Variants in ZNF536 observed in about 807,000 individuals in gnomAD.
The protein encoded by ZNF536 is zinc finger protein 536.
A neutral mutation model predicts 84.5 loss-of-function variants in ZNF536; 13 were observed. That is an observed-to-expected ratio of 0.15 (90% CI 0.10 to 0.24). The LOEUF is 0.24. Ranked by LOEUF, ZNF536 falls within the 10% of genes least tolerant of loss-of-function variation. ZNF536 has a pLI of 1.00. For synonymous variants in ZNF536, 811 were observed against 742.5 expected (o/e 1.09, Z -1.50); for missense variants, 1,536 against 1,747.5 (o/e 0.88, Z 2.16).
chr19:30,707,957 G>A (rs2052309089), intron 1 of ZNF536, among the ~76,000 whole-genome samples: 1 of 150,014 alleles, frequency 6.7e-6, no homozygotes, highest in Non-Finnish European at 1.5e-5. Flanking sequence ...GTTGCAGTAA[G>A]CTGAGATCAT....
intron 2 of ZNF536, among the ~76,000 whole-genome samples, chr19:30,332,544 T>C (rs894277406): frequency 2.0e-5 from 3 of 152,142 alleles, no homozygotes; most frequent in Non-Finnish European, 2.9e-5. Context: ...CTGTCTCAAA[T>C]ATCCCCTCCT....
At chr19:30,644,300 A>G (rs559926006) in intron 1 of ZNF536, among the ~76,000 whole-genome samples, 123 of 151,936 alleles carry the variant, frequency 8.1e-4, no homozygotes, top group Non-Finnish European at 8.2e-4. Flanking sequence ...ATTCATAACG[A>G]TTTGGTTTAA....
chr19:30,503,655 G>T (rs1471095406), intron 2 of ZNF536, among the ~76,000 whole-genome samples: 4 of 152,228 alleles, frequency 2.6e-5, no homozygotes, highest in African/African-American at 4.8e-5. Flanking sequence ...CCCTTGCAAA[G>T]TCAGCAGACA....
chr19:30,605,326 CT>C (rs923206553), intron 1 of ZNF536, among the ~76,000 whole-genome samples: 3 of 152,020 alleles, frequency 2.0e-5, no homozygotes, highest in South Asian at 2.1e-4. Context: ...TCTTTTACCC[CT>C]GACCCCCTCC....
intron 1 of ZNF536, among the ~76,000 whole-genome samples, chr19:30,234,299 T>G (rs1385583423): frequency 6.6e-6 from 1 of 151,868 alleles, no homozygotes; most frequent in Non-Finnish European, 1.5e-5. Flanking sequence ...AGTATATTTC[T>G]GGCCCCCTAC....
chr19:30,394,415 T>A (rs1317088896), intron 1 of ZNF536, among the ~76,000 whole-genome samples: 1 of 152,062 alleles, frequency 6.6e-6, no homozygotes, highest in African/African-American at 2.4e-5. Flanking sequence ...AATGCTCATT[T>A]CCCTAAACAG....
At chr19:30,329,565 T>A (rs2047143086) in intron 2 of ZNF536, among the ~76,000 whole-genome samples, 1 of 152,144 alleles carries the variant, frequency 6.6e-6, no homozygotes, top group African/African-American at 2.4e-5. Context: ...TGAAATTTTA[T>A]TTAAGAGAAC....
At chr19:30,530,493 C>T (rs761706692) in intron 2 of ZNF536, among the ~76,000 whole-genome samples, 3 of 152,062 alleles carry the variant, frequency 2.0e-5, no homozygotes, top group East Asian at 1.9e-4. Flanking sequence ...ATTACAGGCA[C>T]GCACCATCAT....
chr19:30,381,012 G>A (rs1298712493), intron 1 of ZNF536, among the ~76,000 whole-genome samples: 1 of 152,084 alleles, frequency 6.6e-6, no homozygotes, highest in Non-Finnish European at 1.5e-5. Flanking sequence ...GAGTAGCTGG[G>A]ACTGCAGGCA....
At chr19:30,268,433 A>G (rs140679033) in intron 1 of ZNF536, among the ~76,000 whole-genome samples, 2 of 151,872 alleles carry the variant, frequency 1.3e-5, no homozygotes, top group African/African-American at 4.8e-5. Context: ...GGTTTTGACA[A>G]CTCCCCATTC....
At chr19:30,486,291 C>T (rs1296845081) in intron 2 of ZNF536, among the ~76,000 whole-genome samples, 1 of 152,166 alleles carries the variant, frequency 6.6e-6, no homozygotes, top group African/African-American at 2.4e-5. Flanking sequence ...GTGTTGTTCC[C>T]CTCCCTGTGT....
chr19:30,438,055 C>T (rs1193636550), intron 1 of ZNF536, among the ~76,000 whole-genome samples: 1 of 152,040 alleles, frequency 6.6e-6, no homozygotes, highest in African/African-American at 2.4e-5. Context: ...TGCCTTAAGC[C>T]CAGGATCATG....
intron 1 of ZNF536, among the ~76,000 whole-genome samples, chr19:30,697,090 C>A (rs548287581): frequency 6.6e-6 from 1 of 151,988 alleles, no homozygotes; most frequent in Non-Finnish European, 1.5e-5. Context: ...ACAGTCATGG[C>A]GTAAGGTAAA....
intron 2 of ZNF536, among the ~76,000 whole-genome samples, chr19:30,310,795 A>G (rs1339278247): frequency 6.6e-6 from 1 of 152,196 alleles, no homozygotes; most frequent in African/African-American, 2.4e-5. Flanking sequence ...AATACAGACA[A>G]TTAACGCCGA....
intron 1 of ZNF536, among the ~76,000 whole-genome samples, chr19:30,429,347 C>T (rs188650516): frequency 1.4e-3 from 208 of 152,254 alleles, no homozygotes; most frequent in African/African-American, 4.7e-3. Flanking sequence ...TATTTGGTTC[C>T]AGTTGGCTGT....
chr19:30,491,091 G>A (rs1183848699), intron 2 of ZNF536, among the ~76,000 whole-genome samples: 2 of 152,154 alleles, frequency 1.3e-5, no homozygotes, highest in Non-Finnish European at 2.9e-5. Context: ...CAAGGACCTT[G>A]GTTGATGTCG....
intron 3 of ZNF536, among the ~76,000 whole-genome samples, chr19:30,354,098 G>A (rs1288214368): frequency 2.6e-5 from 4 of 152,210 alleles, no homozygotes; most frequent in Non-Finnish European, 4.4e-5. Flanking sequence ...GGTGGAGACC[G>A]AGGGGGAGGA....
chr19:30,410,601 C>T lies in ZNF536; in HGVS notation c.-2-32960C>T, dbSNP rs548729319. Among the ~76,000 whole-genome samples the T allele has an allele frequency of 3.5e-4, 53 of 151,686 alleles. No homozygotes were observed. In the South Asian group the frequency reaches 4.4e-3, roughly 13 times the overall value. Reference sequence around the variant, plus strand: ...GCCATTCTCCTGCCTCAGCCTCCCGCGTAGCTGGGACTACAGGCGCCCGCC... The same window carrying T: ...GCCATTCTCCTGCCTCAGCCTCCCGTGTAGCTGGGACTACAGGCGCCCGCC... On this transcript the variant is annotated intron_variant, in intron 1 of 4. Transcript: ENST00000355537.
chr19:30,632,555 G>A (rs1265757342), intron 1 of ZNF536, among the ~76,000 whole-genome samples: 1 of 152,142 alleles, frequency 6.6e-6, no homozygotes, highest in Non-Finnish European at 1.5e-5. Flanking sequence ...GCAGTGAGGT[G>A]AGATCACGAC....
Sources: gnomAD v4.1 joint callset for allele counts (sites outside exome capture counted in the v4.1 genomes callset) on GRCh38, gnomAD v4.1.1 for gene constraint, MANE v1.5 for transcripts, NCBI Gene and HGNC (gene_info 2026-07-23, HGNC 2026-07-21) for gene names.